ZDHHC17: variants seen among roughly 807,000 people sequenced by gnomAD.
The protein encoded by ZDHHC17 is palmitoyltransferase ZDHHC17.
In ZDHHC17, 40 loss-of-function variants were observed where a neutral mutation model predicts 90.3. The ratio of observed to expected loss-of-function variants is 0.44; its 90% CI spans 0.34 to 0.58. ZDHHC17 has a LOEUF of 0.58. ZDHHC17 is among the 20% of genes least tolerant of loss of function. The pLI is 0.01. For missense variants in ZDHHC17, 614 were observed against 780.8 expected, an observed-to-expected ratio of 0.79 and a Z score of 2.55; for synonymous variants, 235 against 252.4, an observed-to-expected ratio of 0.93 and a Z score of 0.65.
chr12:76,814,286 G>GA (rs1363718529), intron 5 of ZDHHC17, among the ~76,000 whole-genome samples: 1 of 151,902 alleles, frequency 6.6e-6, no homozygotes, highest in Non-Finnish European at 1.5e-5. Context: ...AGTAGTGGGG[G>GA]AAAGATGGTG....
intron 10 of ZDHHC17, among the ~76,000 whole-genome samples, chr12:76,837,418 C>A (rs984751831): frequency 6.6e-6 from 1 of 152,144 alleles, no homozygotes; most frequent in African/African-American, 2.4e-5. Flanking sequence ...CCCTTTGAGC[C>A]TAGGAGTTCA....
intron 2 of ZDHHC17, among the ~76,000 whole-genome samples, chr12:76,799,548 A>G (rs1952862724): frequency 6.6e-6 from 1 of 152,204 alleles, no homozygotes; most frequent in Non-Finnish European, 1.5e-5. Context: ...ATGCCTTGGA[A>G]TTATATACAG....
intron 8 of ZDHHC17, 147 bp from the exon 9 acceptor site, chr12:76,826,761 G>T: frequency 1.4e-6 from 1 of 698,734 alleles, no homozygotes. Flanking sequence ...ACAGACACCA[G>T]CACCTTGAAT....
At chr12:76,835,918 A>ACC (rs11421161) in intron 10 of ZDHHC17, among the ~76,000 whole-genome samples, 2 of 144,980 alleles carry the variant, frequency 1.4e-5, no homozygotes, top group Non-Finnish European at 3.1e-5. Context: ...CTCCCTCTAC[A>ACC]CCCCCTTTTT....
intron 10 of ZDHHC17, chr12:76,840,115 G>A (rs1473673578): frequency 1.3e-5 from 2 of 152,004 alleles, no homozygotes; most frequent in Non-Finnish European, 2.9e-5. Flanking sequence ...TGCTTAAATG[G>A]CACATAGTTG....
intron 14 of ZDHHC17, among the ~76,000 whole-genome samples, chr12:76,847,243 G>GT (rs1368354110): frequency 6.6e-6 from 1 of 152,222 alleles, no homozygotes; most frequent in Non-Finnish European, 1.5e-5. Context: ...TCTGGAAAGA[G>GT]TTTAAGTGGA....
At chr12:76,814,658 AGTGT>A (rs766881294) in intron 5 of ZDHHC17, among the ~76,000 whole-genome samples, 12 of 151,928 alleles carry the variant, frequency 7.9e-5, no homozygotes, top group Non-Finnish European at 1.6e-4. Flanking sequence ...GGATTGCTTT[AGTGT>A]GTTGCTTTTT....
At chr12:76,810,608 A>G (rs1953008054) in intron 5 of ZDHHC17, among the ~76,000 whole-genome samples, 1 of 152,170 alleles carries the variant, frequency 6.6e-6, no homozygotes, top group Admixed American at 6.6e-5. Context: ...TGAAGGTTTT[A>G]CAGTATTTGT....
chr12:76,796,710 G>T (rs1252839375), intron 1 of ZDHHC17, among the ~76,000 whole-genome samples: 1 of 152,000 alleles, frequency 6.6e-6, no homozygotes, highest in Non-Finnish European at 1.5e-5. Context: ...CTTCCTTTAG[G>T]GCCTTAGAGT....
In ZDHHC17 at chr12:76,795,265, A is replaced by G. The variant is rs539989097; in HGVS notation, c.94-2169A>G. The stretch of plus-strand genomic sequence containing the variant: ...GTTTTGTTGCATTGGTTTTGTTTTA[A>G]AAATATTCCATTAAAACGTTGTTGT... On this transcript the variant is annotated intron_variant, in intron 1 of 16. Transcript: ENST00000426126. Among the ~76,000 whole-genome samples the G allele has an allele frequency of 6.6e-5, 10 of 151,872 alleles. No homozygotes were observed. In the South Asian group the frequency reaches 1.7e-3, roughly 25 times the overall value.
chr12:76,823,475 T>C (rs1953190289), intron 8 of ZDHHC17, among the ~76,000 whole-genome samples: 1 of 152,226 alleles, frequency 6.6e-6, no homozygotes, highest in Non-Finnish European at 1.5e-5. Flanking sequence ...CACAATCTTA[T>C]TTCCCACAAA....
intron 7 of ZDHHC17, among the ~76,000 whole-genome samples, chr12:76,819,557 T>G (rs1040256345): frequency 5.3e-5 from 8 of 152,242 alleles, no homozygotes; most frequent in African/African-American, 1.9e-4. Context: ...CTAAAATACC[T>G]ATTTTCTATA....
intron 7 of ZDHHC17, among the ~76,000 whole-genome samples, chr12:76,820,273 A>G (rs1953148377): frequency 6.6e-6 from 1 of 152,200 alleles, no homozygotes. Flanking sequence ...TAATAGCTAC[A>G]TGAAATAGCT....
chr12:76,851,849 GAACA>G lies in ZDHHC17; in HGVS notation c.*867_*870del, dbSNP rs1196208139. The G allele has an allele frequency of 2.0e-5, 3 of 152,560 alleles. No homozygotes were observed. Among genetic ancestry groups the G allele is most frequent in the East Asian group, 1.9e-4 (1 of 5,194 alleles). 9.5% of individuals were successfully genotyped at this position (152,560 alleles called of 1,614,324 possible). On this transcript the variant is annotated 3_prime_UTR_variant, in exon 17 of 17. Coordinates refer to ENST00000426126, the MANE Select transcript of ZDHHC17 (RefSeq NM_015336.4). The stretch of plus-strand genomic sequence containing the variant: ...AAGGTGGTATTTTCAAGAAAAGGCA[GAACA>G]AATAATGCAAAATTCTCAGTAATAG...
chr12:76,791,934 G>A (rs1204988021), intron 1 of ZDHHC17, among the ~76,000 whole-genome samples: 1 of 152,144 alleles, frequency 6.6e-6, no homozygotes, highest in Non-Finnish European at 1.5e-5. Context: ...TATGGGAGGA[G>A]GTCTGAGTAG....
In ZDHHC17 at chr12:76,809,220, A is replaced by G. The variant is rs1592479720; in HGVS notation, c.398+100A>G. ...TATACTAAAATGAATAGGAGAGCTT[A>G]TTATGCCGTTAGTTAATATCATAAA... On this transcript the variant is annotated intron_variant, in intron 4 of 16. Transcript: ENST00000426126. The G allele has an allele frequency of 2.4e-5, 17 of 702,660 alleles. No homozygotes were observed. In the East Asian group the frequency reaches 5.9e-4, roughly 24 times the overall value. 43.5% of individuals were successfully genotyped at this position (702,660 alleles called of 1,614,324 possible). A position where few individuals can be genotyped will look rare whatever the true frequency, so the allele number is the denominator to read the frequency against.
intron 12 of ZDHHC17, among the ~76,000 whole-genome samples, chr12:76,843,392 A>T: frequency 6.6e-6 from 1 of 152,082 alleles, no homozygotes; most frequent in Non-Finnish European, 1.5e-5. Flanking sequence ...TTAAGACAAC[A>T]TGGCCTCTAA....
intron 12 of ZDHHC17, 101 bp from the exon 13 acceptor site, chr12:76,845,608 A>T: frequency 2.2e-6 from 1 of 463,118 alleles, no homozygotes; most frequent in Non-Finnish European, 3.7e-6. Context: ...TTTAAAAAAT[A>T]TAGTTTTATT....
chr12:76,785,142 TTC>T (rs1952670703), intron 1 of ZDHHC17, among the ~76,000 whole-genome samples: 2 of 152,206 alleles, frequency 1.3e-5, no homozygotes. Context: ...TCCTTCTAAC[TTC>T]TTTTTGTTCC....
Sources: gnomAD v4.1 joint callset for allele counts (sites outside exome capture counted in the v4.1 genomes callset) on GRCh38, gnomAD v4.1.1 for gene constraint, MANE v1.5 for transcripts, NCBI Gene and HGNC (gene_info 2026-07-23, HGNC 2026-07-21) for gene names.